The following PRDM4 variants were observed in gnomAD, a reference collection of about 807,000 sequenced individuals.
PRDM4 encodes the protein PR/SET domain 4, also known as PR domain zinc finger protein 4.
In PRDM4, 38 loss-of-function variants were observed where a neutral mutation model predicts 62.3. The observed-to-expected ratio is 0.61, with a 90% CI of 0.47 to 0.80. The LOEUF is 0.80. PRDM4 is among the 30% of genes least tolerant of loss of function. The probability of loss-of-function intolerance (pLI) is 0.00; values close to 1 mark genes in which losing one functional copy is unlikely to be tolerated. For missense variants in PRDM4, 858 were observed against 997.1 expected (o/e 0.86, Z 1.88); for synonymous variants, 339 against 348.2 (o/e 0.97, Z 0.30).
intron 11 of PRDM4, among the ~76,000 whole-genome samples, chr12:107,735,679 G>T (rs1477820165): frequency 6.6e-6 from 1 of 151,554 alleles, no homozygotes; most frequent in Non-Finnish European, 1.5e-5. Flanking sequence ...TGTCAATAAT[G>T]TCAAGGTTTG....
At chr12:107,758,775 T>A (rs1434294887) in intron 2 of PRDM4, among the ~76,000 whole-genome samples, 1 of 152,176 alleles carries the variant, frequency 6.6e-6, no homozygotes, top group Non-Finnish European at 1.5e-5. Context: ...ATGGATCCCA[T>A]AAAACTAAGC....
intron 11 of PRDM4, among the ~76,000 whole-genome samples, chr12:107,735,421 C>G (rs930065562): frequency 6.6e-6 from 1 of 152,024 alleles, no homozygotes; most frequent in South Asian, 2.1e-4. Context: ...CTCATTACAC[C>G]GTTATTTGTA....
rs1890242049 is a variant in PRDM4 at position 107,733,811 on chromosome 12, G to A, written c.*399C>T. The A allele has an allele frequency of 9.8e-6, 2 of 204,314 alleles. No individual in the cohort carries two copies. Among genetic ancestry groups the A allele is most frequent in the African/African-American group, 4.7e-5 (2 of 42,120 alleles). 12.7% of individuals were successfully genotyped at this position (204,314 alleles called of 1,614,324 possible). On this transcript the variant is annotated 3_prime_UTR_variant, in exon 12 of 12. Transcript: ENST00000228437. Reference sequence around the variant, plus strand: ...CTATCAGCAATCAGGATGGCTATGGGGCAAGGACCGTTTAGAATGTTACCA... The same window carrying A: ...CTATCAGCAATCAGGATGGCTATGGAGCAAGGACCGTTTAGAATGTTACCA...
Position 107,753,981 on chromosome 12 carries a change from G to C in PRDM4, c.274C>G (p.Leu92Val). ...MCGLPERNYTLPPPPYPHLES... is the reference protein window; with the variant it reads ...MCGLPERNYTVPPPPYPHLES... ...AGGTGAGGGTAAGGTGGTGGAGGTA[G>C]GGTGTAGTTTCTTTCAGGTAACCCA... Residue 92 changes from leucine (L) to valine (V), a missense_variant, in exon 4 of 12, where the codon CTA becomes GTA. This residue lies in a region of PRDM4 where 499 missense variants were observed against 546.7 expected (regional missense o/e 0.91). Transcript: ENST00000228437. 1 of 1,614,138 alleles carries C rather than the reference G, an allele frequency of 6.2e-7. No homozygotes were observed. The highest frequency in any genetic ancestry group is 8.5e-7 in the Non-Finnish European group (1 of 1,180,008).
intron 6 of PRDM4, among the ~76,000 whole-genome samples, chr12:107,745,398 C>CA (rs963103072): frequency 5.3e-5 from 8 of 151,726 alleles, no homozygotes; most frequent in South Asian, 2.1e-4. Context: ...GCTGTCTCTA[C>CA]AAAAAAAATT....
Position 107,745,371 on chromosome 12 carries a change from C to T in PRDM4, c.1277-710G>A, listed in dbSNP as rs142802126. On this transcript the variant is annotated intron_variant, in intron 6 of 11. Coordinates refer to ENST00000228437, the MANE Select transcript of PRDM4 (RefSeq NM_012406.4). ...GAGGCCAGGAGTTCGAAACCAGCCT[C>T]GGCAACATAGTGAGATGCTGTCTCT... 3.7e-3 allele frequency among the ~76,000 whole-genome samples: 565 copies of T among 152,136 alleles called. 3 individuals carry two copies. The highest frequency in any genetic ancestry group is 0.012 in the African/African-American group (511 of 41,516).
chr12:107,741,261 C>T lies in PRDM4; in HGVS notation c.1610-1G>A. On this transcript the variant is annotated splice_acceptor_variant, in intron 9 of 11. Transcript: ENST00000228437. LOFTEE classifies it high-confidence loss of function. The stretch of plus-strand genomic sequence containing the variant: ...TGCACATCTGGGTGTTCAGGAACAC[C>T]TTTTAAAAAAAAATTACTCATTATC... 6.3e-7 allele frequency: 1 copy of T among 1,587,690 alleles called. No homozygotes were observed. The highest frequency in any genetic ancestry group is 8.6e-7 in the Non-Finnish European group (1 of 1,165,860).
intron 5 of PRDM4, among the ~76,000 whole-genome samples, chr12:107,747,575 G>A (rs1890749126): frequency 6.6e-6 from 1 of 152,120 alleles, no homozygotes; most frequent in Non-Finnish European, 1.5e-5. Flanking sequence ...TTGGCAGAGA[G>A]GATGCTCCCT....
intron 5 of PRDM4, among the ~76,000 whole-genome samples, chr12:107,751,193 T>C (rs1157832414): frequency 6.6e-6 from 1 of 152,226 alleles, no homozygotes; most frequent in African/African-American, 2.4e-5. Context: ...TTTCATTTCT[T>C]CAGGAGGATG....
At position 107,742,302 on chromosome 12, in the gene PRDM4, T is replaced by C; in HGVS notation, c.1528A>G (p.Ile510Val). The change falls in exon 9 of 12, where the codon ATC (isoleucine) becomes GTC (valine). Residue 510 changes from isoleucine (I) to valine (V), a missense_variant. Ile to Val is a conservative substitution (Grantham distance 29). Around this residue, in one of 3 missense-constraint regions of PRDM4, gnomAD observed 355 missense variants for 432.6 expected, o/e 0.82. Coordinates refer to ENST00000228437, the MANE Select transcript of PRDM4 (RefSeq NM_012406.4). ...ATATCTTGTGAGGTGCAGAAAAAGA[T>C]TTTTCCATCATGAGGATAAGCCACC... ...NLVAYPHDGK[I>V]FFCTSQDIPP... The C allele has an allele frequency of 6.2e-7, 1 of 1,613,662 alleles. No individual in the cohort carries two copies. Among genetic ancestry groups the C allele is most frequent in the Non-Finnish European group, 8.5e-7 (1 of 1,179,706 alleles).
At chr12:107,744,503 A>G in intron 7 of PRDM4, 40 bp downstream of exon 7, 1 of 1,590,426 alleles carries the variant, frequency 6.3e-7, no homozygotes, top group Non-Finnish European at 8.6e-7. Context: ...TTACTAAGAA[A>G]AACAGCCAAA....
Position 107,751,455 on chromosome 12 carries a change from G to T in PRDM4, c.1086C>A (p.Ser362=), listed in dbSNP as rs140227015. ...FVSPSLQMED[S]NSNKENMATL... ...TTGCCATGTTCTCCTTGTTTGAATTGGAGTCTTCCATTTGCAGTGAAGGTG... is the reference window on the plus strand; with the variant it reads ...TTGCCATGTTCTCCTTGTTTGAATTTGAGTCTTCCATTTGCAGTGAAGGTG... The change falls in exon 5 of 12, where the codon TCC becomes TCA. Residue 362 remains serine, a synonymous_variant. Transcript: ENST00000228437. 40 of 1,611,800 alleles carry T rather than the reference G, an allele frequency of 2.5e-5. No individual in the cohort carries two copies. In the African/African-American group the frequency reaches 4.7e-4, roughly 19 times the overall value.
At position 107,734,116 on chromosome 12, in the gene PRDM4, G is replaced by A. The variant is rs532017092; in HGVS notation, c.*94C>T. 5.3e-6 allele frequency: 7 copies of A among 1,308,712 alleles called. 1 individual carries two copies. In the South Asian group the frequency reaches 1.0e-4, roughly 19 times the overall value. 81.1% of individuals were successfully genotyped at this position (1,308,712 alleles called of 1,614,324 possible). ...TGATTACTGGCTGAAAATAAATCAG[G>A]AACCATTTTATATAAAAACCATTAT... is the stretch of plus-strand genomic sequence containing the variant. On this transcript the variant is annotated 3_prime_UTR_variant, in exon 12 of 12. Coordinates refer to ENST00000228437, the MANE Select transcript of PRDM4 (RefSeq NM_012406.4).
Position 107,760,739 on chromosome 12 carries a change from C to A in PRDM4, c.-224G>T, listed in dbSNP as rs1891218600. The A allele has an allele frequency of 1.8e-6, 1 of 555,236 alleles. No individual in the cohort carries two copies. The highest frequency in any genetic ancestry group is 3.2e-6 in the Non-Finnish European group (1 of 313,264). The allele number at this position is 555,236 out of a possible 1,614,324, so 34.4% of individuals were successfully genotyped here. A position where few individuals can be genotyped will look rare whatever the true frequency, so the allele number is the denominator to read the frequency against. On this transcript the variant is annotated 5_prime_UTR_variant, in exon 2 of 12. It introduces an in-frame stop codon into an upstream open reading frame of the 5' UTR. Transcript: ENST00000228437. Reference sequence around the variant, plus strand: ...ATCTCGGGGAACACCTGGGGCCTTCCGTCCAGAAGCTTCGGGAAGGGGGCT... The same window carrying A: ...ATCTCGGGGAACACCTGGGGCCTTCAGTCCAGAAGCTTCGGGAAGGGGGCT...
At chr12:107,748,452 GGATA>G (rs1317963476) in intron 5 of PRDM4, among the ~76,000 whole-genome samples, 4 of 152,082 alleles carry the variant, frequency 2.6e-5, no homozygotes, top group Non-Finnish European at 5.9e-5. Context: ...ACTGATAAAT[GGATA>G]AACAAAATGT....
Position 107,751,876 on chromosome 12 carries a change from T to C in PRDM4, c.665A>G (p.His222Arg), listed in dbSNP as rs1306171365. 6.2e-7 allele frequency: 1 copy of C among 1,614,240 alleles called. No homozygotes were observed. The highest frequency in any genetic ancestry group is 1.3e-5 in the African/African-American group (1 of 75,064). ...TCTGGAGCCATTTGGGATTTGGGAA[T>C]GCTCGCCTGCAACACCGTCCATCGT... ...ELTMDGVAGE[H>R]SQIPNGSRSH... Residue 222 changes from histidine to arginine, a missense_variant, in exon 5 of 12, where the codon CAT (histidine) becomes CGT (arginine). By Grantham distance (29) the His-to-Arg change is conservative (BLOSUM62 0). Around this residue, in one of 3 missense-constraint regions of PRDM4, gnomAD observed 499 missense variants for 546.7 expected, o/e 0.91. Coordinates refer to ENST00000228437, the MANE Select transcript of PRDM4 (RefSeq NM_012406.4).
chr12:107,753,361 C>T (rs1380776694), intron 4 of PRDM4, among the ~76,000 whole-genome samples: 4 of 148,632 alleles, frequency 2.7e-5, no homozygotes, highest in Admixed American at 6.7e-5. Flanking sequence ...GTTGAGACTC[C>T]GTCTCCATTA....
At position 107,756,850 on chromosome 12, in the gene PRDM4, T is replaced by C. The variant is rs565169832; in HGVS notation, c.127A>G (p.Ser43Gly). The change falls in exon 3 of 12, where the codon AGT becomes GGT. Residue 43 changes from serine to glycine, a missense_variant. Around this residue, in one of 3 missense-constraint regions of PRDM4, gnomAD observed 499 missense variants for 546.7 expected, o/e 0.91. Coordinates refer to ENST00000228437, the MANE Select transcript of PRDM4 (RefSeq NM_012406.4). ...HLGLAASPTH[S>G]AIPAPGLPVA... ...CACTCACCTGGGGCAGGGATGGCAC[T>C]GTGAGTGGGTGAGGCAGCCAATCCC... The C allele has an allele frequency of 9.3e-6, 15 of 1,614,156 alleles. No homozygotes were observed. Among genetic ancestry groups the C allele is most frequent in the East Asian group, 8.9e-5 (4 of 44,882 alleles).
chr12:107,750,476 C>A (rs943703619), intron 5 of PRDM4, among the ~76,000 whole-genome samples: 4 of 152,034 alleles, frequency 2.6e-5, no homozygotes, highest in Admixed American at 2.6e-4. Flanking sequence ...CCCAGGAGGT[C>A]GAGGCTACAG....
Sources: allele counts gnomAD v4.1 joint callset (sites outside exome capture counted in the v4.1 genomes callset), GRCh38; gene constraint gnomAD v4.1.1; regional missense constraint gnomAD v4.1.1; transcripts MANE v1.5; gene names NCBI Gene and HGNC (gene_info 2026-07-23, HGNC 2026-07-21).